The following TMEM232 variants were observed in gnomAD, a reference collection of about 807,000 sequenced individuals.
TMEM232 encodes transmembrane protein 232.
In TMEM232, 80 loss-of-function variants were observed where a neutral mutation model predicts 78.8. The observed-to-expected ratio is 1.01, with a 90% confidence interval of 0.85 to 1.22. The LOEUF (loss-of-function observed/expected upper bound fraction) is 1.22. Ranked by LOEUF, TMEM232 falls within the 50% of genes most tolerant of loss-of-function variation. TMEM232 has a pLI of 0.00. For synonymous variants in TMEM232, 297 were observed against 254.3 expected, an observed-to-expected ratio of 1.17 and a Z score of -1.60; for missense variants, 881 against 742.2, an observed-to-expected ratio of 1.19 and a Z score of -2.17.
chr5:110,532,389 A>G (rs113642282), intron 11 of TMEM232, among the ~76,000 whole-genome samples: 63 of 151,722 alleles, frequency 4.2e-4, no homozygotes, highest in Non-Finnish European at 6.3e-4. Flanking sequence ...TCACAGTGGA[A>G]GGTAAGTCCG....
chr5:110,477,460 T>A (rs937529322), intron 12 of TMEM232, among the ~76,000 whole-genome samples: 1 of 151,870 alleles, frequency 6.6e-6, no homozygotes, highest in Non-Finnish European at 1.5e-5. Context: ...TTATTGTGGT[T>A]TTTTAGTCAA....
rs553857315 is a variant in TMEM232 at position 110,529,448 on chromosome 5, T to C, written c.1456-613A>G. Among the ~76,000 whole-genome samples, 19 of 152,280 alleles carry C rather than the reference T, an allele frequency of 1.2e-4. No homozygotes were observed. The South Asian group carries it at 3.7e-3, about 30-fold the overall frequency. Reference sequence around the variant, plus strand: ...TTTTAGTAGAGATGGGGTTTCATCATGTTGGACAGGCTGGTCTTGAACTCC... The same window carrying C: ...TTTTAGTAGAGATGGGGTTTCATCACGTTGGACAGGCTGGTCTTGAACTCC... On this transcript the variant is annotated intron_variant, in intron 11 of 13. Coordinates refer to ENST00000455884, the MANE Select transcript of TMEM232 (RefSeq NM_001039763.4).
intron 10 of TMEM232, among the ~76,000 whole-genome samples, chr5:110,596,186 C>T (rs1033083232): frequency 3.3e-5 from 5 of 152,090 alleles, no homozygotes; most frequent in African/African-American, 1.2e-4. Flanking sequence ...GGGGATATCA[C>T]CACCGATCCC....
At chr5:110,594,160 C>G (rs751347557) in intron 10 of TMEM232, among the ~76,000 whole-genome samples, 18 of 151,770 alleles carry the variant, frequency 1.2e-4, no homozygotes, top group Non-Finnish European at 2.5e-4. Context: ...GGAGGGCAAG[C>G]AGAAGCATGG....
intron 2 of TMEM232, among the ~76,000 whole-genome samples, chr5:110,653,603 A>C (rs1199793203): frequency 6.6e-6 from 1 of 152,202 alleles, no homozygotes; most frequent in Non-Finnish European, 1.5e-5. Context: ...AAGCTAAATC[A>C]AGTTAAAATT....
At chr5:110,564,063 A>G (rs948968986) in intron 11 of TMEM232, among the ~76,000 whole-genome samples, 3 of 152,020 alleles carry the variant, frequency 2.0e-5, no homozygotes, top group African/African-American at 7.2e-5. Context: ...TGGCCCACCC[A>G]TATGCTTTGA....
intron 11 of TMEM232, among the ~76,000 whole-genome samples, chr5:110,545,072 G>A (rs184706386): frequency 6.2e-4 from 95 of 152,198 alleles, no homozygotes; most frequent in Non-Finnish European, 9.9e-4. Flanking sequence ...CAAGGTTATG[G>A]TAAAGATTAA....
intron 2 of TMEM232, among the ~76,000 whole-genome samples, chr5:110,406,265 T>TATACACACACAC (rs369880810): frequency 7.7e-5 from 11 of 143,686 alleles, no homozygotes; most frequent in Non-Finnish European, 1.5e-4. Context: ...CAGATATATA[T>TATACACACACAC]ACACACACAC....
chr5:110,723,903 G>A (rs988749256), intron 1 of TMEM232, among the ~76,000 whole-genome samples: 4 of 152,180 alleles, frequency 2.6e-5, no homozygotes, highest in African/African-American at 9.6e-5. Context: ...TAAGAATGGT[G>A]ATAGAGCAGT....
chr5:110,643,173 G>GGACT (rs1580473670), intron 2 of TMEM232, among the ~76,000 whole-genome samples: 1 of 152,006 alleles, frequency 6.6e-6, no homozygotes, highest in Non-Finnish European at 1.5e-5. Context: ...GGAACTAGAA[G>GGACT]GACTGAATCG....
intron 12 of TMEM232, among the ~76,000 whole-genome samples, chr5:110,510,109 C>T (rs1242406044): frequency 6.6e-6 from 1 of 152,138 alleles, no homozygotes; most frequent in African/African-American, 2.4e-5. Context: ...GTGCTCCTTC[C>T]CAAGGAAATG....
In TMEM232 at chr5:110,605,182, T is replaced by C; in HGVS notation, c.1203A>G (p.Ser401=). 2 of 1,550,900 alleles carry C rather than the reference T, an allele frequency of 1.3e-6. No individual in the cohort carries two copies. Among genetic ancestry groups the C allele is most frequent in the Non-Finnish European group, 1.7e-6 (2 of 1,146,480 alleles). ...TTGTTTCCTTTAATTCTGGAGGTAC[T>C]GATTTGTCCAAGTATAAAATATTTT... The part of the protein sequence containing the change: ...SQKNILYLDK[S]VPPELKETSI... Residue 401 remains serine (S), a synonymous_variant, in exon 10 of 14, where the codon TCA becomes TCG. Coordinates refer to ENST00000455884, the MANE Select transcript of TMEM232 (RefSeq NM_001039763.4).
intron 12 of TMEM232, among the ~76,000 whole-genome samples, chr5:110,523,128 C>T (rs1298455270): frequency 6.6e-6 from 1 of 152,068 alleles, no homozygotes; most frequent in Non-Finnish European, 1.5e-5. Context: ...ATAATTTAGA[C>T]TTGGTAGGTT....
intron 2 of TMEM232, among the ~76,000 whole-genome samples, chr5:110,409,688 T>C (rs1335334801): frequency 6.6e-6 from 1 of 152,190 alleles, no homozygotes; most frequent in Non-Finnish European, 1.5e-5. Context: ...TCTTTAGCTC[T>C]TGCTACATAT....
intron 1 of TMEM232, among the ~76,000 whole-genome samples, chr5:110,713,569 T>A (rs546994468): frequency 1.2e-4 from 18 of 152,232 alleles, no homozygotes; most frequent in African/African-American, 2.9e-4. Context: ...GACTTAAGTT[T>A]ATGAGCTAAA....
intron 10 of TMEM232, among the ~76,000 whole-genome samples, chr5:110,582,010 G>A (rs1193228234): frequency 6.6e-6 from 1 of 151,888 alleles, no homozygotes; most frequent in African/African-American, 2.4e-5. Context: ...AAAAATAACA[G>A]ATTCCGGCAA....
At position 110,625,402 on chromosome 5, in the gene TMEM232, C is replaced by A; in HGVS notation, c.633G>T (p.Lys211Asn). 6.5e-7 allele frequency: 1 copy of A among 1,538,160 alleles called. No homozygotes were observed. The highest frequency in any genetic ancestry group is 8.8e-7 in the Non-Finnish European group (1 of 1,140,014). ...ALSFSGASYH[K>N]YPNIFSNVQF... ...GCACATTTGAAAAGATGTTTGGATA[C>A]TTGTGATATGATGCTCCAGAGAAAG... Residue 211 changes from lysine (K) to asparagine (N), a missense_variant, in exon 7 of 14, where the codon AAG (lysine) becomes AAT (asparagine). Transcript: ENST00000455884.
chr5:110,617,604 T>C (rs887739800), intron 8 of TMEM232, among the ~76,000 whole-genome samples: 3 of 152,250 alleles, frequency 2.0e-5, no homozygotes, highest in African/African-American at 7.2e-5. Context: ...ACTATGACTC[T>C]TCTTTTTCTC....
intron 11 of TMEM232, among the ~76,000 whole-genome samples, chr5:110,558,467 G>A (rs1390440231): frequency 1.3e-5 from 2 of 152,130 alleles, no homozygotes; most frequent in East Asian, 1.9e-4. Flanking sequence ...TTATTAGGCA[G>A]GGTCTTCAGG....
Sources: allele counts gnomAD v4.1 joint callset (sites outside exome capture counted in the v4.1 genomes callset), GRCh38; gene constraint gnomAD v4.1.1; transcripts MANE v1.5; gene names NCBI Gene and HGNC (gene_info 2026-07-23, HGNC 2026-07-21).